Variants in SCAPER observed in about 807,000 individuals in gnomAD.
SCAPER encodes S phase cyclin A-associated protein in the endoplasmic reticulum.
SCAPER carries 98 observed loss-of-function variants against 182.2 expected under a neutral mutation model. That is an observed-to-expected ratio of 0.54 (90% CI 0.46 to 0.64). SCAPER has a LOEUF of 0.64. Ranked by LOEUF, SCAPER falls within the 30% of genes least tolerant of loss-of-function variation. SCAPER has a pLI of 0.00. For missense variants in SCAPER, 1,432 were observed against 1,690.0 expected (o/e 0.85, Z 2.68); for synonymous variants, 605 against 564.6 (o/e 1.07, Z -1.01).
chr15:76,893,658 C>G (rs1206645924), intron 1 of SCAPER, among the ~76,000 whole-genome samples: 1 of 152,148 alleles, frequency 6.6e-6, no homozygotes, highest in Non-Finnish European at 1.5e-5. Context: ...TAGGATAGAT[C>G]ATATGTTAGG....
chr15:76,718,786 G>A (rs1354226878), intron 17 of SCAPER, among the ~76,000 whole-genome samples: 2 of 152,134 alleles, frequency 1.3e-5, no homozygotes, highest in Non-Finnish European at 2.9e-5. Flanking sequence ...GTCATAGTCA[G>A]TAGATATATG....
At chr15:76,492,806 T>C (rs1267945274) in intron 24 of SCAPER, among the ~76,000 whole-genome samples, 8 of 151,716 alleles carry the variant, frequency 5.3e-5, no homozygotes, top group Admixed American at 1.3e-4. Context: ...TTTAGAGAGA[T>C]TATTCAGTTT....
chr15:76,812,809 A>G (rs959194144), intron 5 of SCAPER, among the ~76,000 whole-genome samples: 1 of 152,080 alleles, frequency 6.6e-6, no homozygotes, highest in African/African-American at 2.4e-5. Flanking sequence ...AAACTTCCCA[A>G]TGAAGAAAAG....
intron 23 of SCAPER, among the ~76,000 whole-genome samples, chr15:76,536,097 A>G (rs1368069269): frequency 6.6e-6 from 1 of 152,258 alleles, no homozygotes; most frequent in Non-Finnish European, 1.5e-5. Flanking sequence ...TACAGAGACT[A>G]CTTCTATATT....
At chr15:76,465,252 C>T (rs1389534872) in intron 25 of SCAPER, among the ~76,000 whole-genome samples, 1 of 152,078 alleles carries the variant, frequency 6.6e-6, no homozygotes, top group Non-Finnish European at 1.5e-5. Flanking sequence ...AGAAGTGGTG[C>T]TTTCTGGTTC....
chr15:76,855,457 C>CAAAAAAAAAAAAAAAAAAAA (rs34226154), intron 4 of SCAPER, among the ~76,000 whole-genome samples: 4 of 116,324 alleles, frequency 3.4e-5, no homozygotes, highest in Non-Finnish European at 3.3e-5. Context: ...TTCTGCACAG[C>CAAAAAAAAAAAAAAAAAAAA]AAAAAAAAAA....
intron 25 of SCAPER, among the ~76,000 whole-genome samples, chr15:76,447,826 C>T (rs2048104925): frequency 1.3e-5 from 2 of 152,102 alleles, no homozygotes; most frequent in African/African-American, 4.8e-5. Flanking sequence ...GTCTTGCCTC[C>T]CAGAGTTCAC....
intron 15 of SCAPER, among the ~76,000 whole-genome samples, chr15:76,736,084 C>T (rs866907377): frequency 1.3e-5 from 2 of 152,228 alleles, no homozygotes; most frequent in East Asian, 1.9e-4. Context: ...AACTGAGTAT[C>T]GCAATAAAGG....
At chr15:76,786,188 G>A (rs1461441952) in intron 8 of SCAPER, among the ~76,000 whole-genome samples, 2 of 151,876 alleles carry the variant, frequency 1.3e-5, no homozygotes, top group East Asian at 1.9e-4. Flanking sequence ...TTAGCTGGGC[G>A]TGGTGGTGCG....
intron 24 of SCAPER, among the ~76,000 whole-genome samples, chr15:76,503,178 C>CT (rs1392619869): frequency 6.6e-6 from 1 of 152,130 alleles, no homozygotes; most frequent in Non-Finnish European, 1.5e-5. Context: ...ATATCATTTC[C>CT]TTTCTTATTT....
chr15:76,841,972 G>A (rs779764865), intron 4 of SCAPER, 41 bp from the exon 5 acceptor site: 3 of 1,530,528 alleles, frequency 2.0e-6, no homozygotes, highest in South Asian at 2.4e-5. Flanking sequence ...ATAAATAAAA[G>A]GGCTTCCAGG....
At chr15:76,417,765 A>G (rs1383695405) in intron 26 of SCAPER, among the ~76,000 whole-genome samples, 2 of 152,192 alleles carry the variant, frequency 1.3e-5, no homozygotes, top group Non-Finnish European at 2.9e-5. Flanking sequence ...CATGCCTGTA[A>G]TCCCACAACT....
chr15:76,504,603 T>C (rs930624443), intron 24 of SCAPER, among the ~76,000 whole-genome samples: 2 of 152,366 alleles, frequency 1.3e-5, no homozygotes, highest in African/African-American at 4.8e-5. Context: ...GCTCAAGAGT[T>C]CATCAATTCT....
At chr15:76,625,356 T>C (rs2146157392) in intron 21 of SCAPER, among the ~76,000 whole-genome samples, 1 of 152,266 alleles carries the variant, frequency 6.6e-6, no homozygotes, top group East Asian at 1.9e-4. Context: ...GCACATTGCT[T>C]GTGCTTTGGC....
At chr15:76,638,134 A>C (rs1289400114) in intron 21 of SCAPER, among the ~76,000 whole-genome samples, 1 of 152,088 alleles carries the variant, frequency 6.6e-6, no homozygotes, top group African/African-American at 2.4e-5. Context: ...TGAAGCACAT[A>C]ATCTTAATTT....
intron 21 of SCAPER, among the ~76,000 whole-genome samples, chr15:76,641,065 G>T (rs1370387673): frequency 6.6e-6 from 1 of 152,142 alleles, no homozygotes; most frequent in Non-Finnish European, 1.5e-5. Flanking sequence ...GCTCTTCTAG[G>T]CCTCTTTAGG....
intron 21 of SCAPER, among the ~76,000 whole-genome samples, chr15:76,650,215 G>T (rs2054907101): frequency 6.6e-6 from 1 of 151,962 alleles, no homozygotes; most frequent in Non-Finnish European, 1.5e-5. Context: ...AATCAATGAA[G>T]AGACAAATGT....
At chr15:76,739,753 G>C (rs2061450714) in intron 15 of SCAPER, among the ~76,000 whole-genome samples, 1 of 152,150 alleles carries the variant, frequency 6.6e-6, no homozygotes, top group African/African-American at 2.4e-5. Context: ...GAGGACTACT[G>C]TCTTATTTGA....
At chr15:76,691,444 C>T (rs1205101668) in intron 20 of SCAPER, among the ~76,000 whole-genome samples, 1 of 151,856 alleles carries the variant, frequency 6.6e-6, no homozygotes, top group Non-Finnish European at 1.5e-5. Flanking sequence ...AAAATTCAAA[C>T]GGTTATTTTT....
Sources: allele counts gnomAD v4.1 joint callset (sites outside exome capture counted in the v4.1 genomes callset), GRCh38; gene constraint gnomAD v4.1.1; transcripts MANE v1.5; gene names NCBI Gene and HGNC (gene_info 2026-07-23, HGNC 2026-07-21).